ERBB4: variants seen among roughly 807,000 people sequenced by gnomAD.
The protein encoded by ERBB4 is receptor tyrosine-protein kinase erbB-4.
ERBB4 carries 42 observed loss-of-function variants against 158.0 expected under a neutral mutation model. The ratio of observed to expected loss-of-function variants is 0.27; its 90% CI spans 0.21 to 0.34. ERBB4 has a LOEUF of 0.34. Among genes scored for constraint, ERBB4 ranks in the 10% least tolerant of loss-of-function variants. The pLI is 1.00. For missense variants in ERBB4, 1,333 were observed against 1,624.1 expected (o/e 0.82, Z 3.08); for synonymous variants, 583 against 558.7 (o/e 1.04, Z -0.61).
chr2:211,600,578 T>C (rs1239573583), intron 19 of ERBB4, among the ~76,000 whole-genome samples: 1 of 152,118 alleles, frequency 6.6e-6, no homozygotes, highest in Non-Finnish European at 1.5e-5. Flanking sequence ...TCCTTATAAA[T>C]TGCTATTAAA....
intron 25 of ERBB4, among the ~76,000 whole-genome samples, chr2:211,388,716 T>C (rs1246751925): frequency 1.3e-5 from 2 of 152,166 alleles, no homozygotes; most frequent in Non-Finnish European, 2.9e-5. Context: ...AATACATCTG[T>C]ATTTTTATAG....
chr2:212,048,494 A>G (rs570066778), intron 2 of ERBB4, among the ~76,000 whole-genome samples: 1 of 152,070 alleles, frequency 6.6e-6, no homozygotes, highest in Non-Finnish European at 1.5e-5. Context: ...ATGGACTGAT[A>G]GTTTGTTTAG....
intron 20 of ERBB4, among the ~76,000 whole-genome samples, chr2:211,458,785 T>G (rs2064454130): frequency 6.6e-6 from 1 of 152,072 alleles, no homozygotes; most frequent in South Asian, 2.1e-4. Context: ...CTAACACAAA[T>G]AGAAAATCCA....
rs115636178 is a variant in ERBB4 at position 211,594,829 on chromosome 2, G to A, written c.2301+24348C>T. Among the ~76,000 whole-genome samples the A allele has an allele frequency of 7.6e-3, 1,162 of 152,220 alleles. 14 individuals carry two copies. The highest frequency in any genetic ancestry group is 0.026 in the African/African-American group (1,063 of 41,540). On this transcript the variant is annotated intron_variant, in intron 19 of 27. Transcript: ENST00000342788. ...TGTATTCTTTCATTCCCTAAAGAAGGGCTTTTTAAGTTCACATTATCTCAA... is the reference window on the plus strand; with the variant it reads ...TGTATTCTTTCATTCCCTAAAGAAGAGCTTTTTAAGTTCACATTATCTCAA...
At chr2:212,387,200 G>C (rs1030506277) in intron 1 of ERBB4, among the ~76,000 whole-genome samples, 2 of 152,020 alleles carry the variant, frequency 1.3e-5, no homozygotes, top group African/African-American at 4.8e-5. Context: ...TTGGTGTATG[G>C]AACATGATAA....
chr2:211,470,103 C>T (rs893067709), intron 20 of ERBB4, among the ~76,000 whole-genome samples: 7 of 151,532 alleles, frequency 4.6e-5, no homozygotes, highest in East Asian at 1.9e-4. Flanking sequence ...AGTGATTTCT[C>T]GCTTAAAAAA....
At position 211,838,801 on chromosome 2, in the gene ERBB4, G is replaced by C. The variant is rs1443615114; in HGVS notation, c.422-50642C>G. Among the ~76,000 whole-genome samples the C allele has an allele frequency of 2.0e-5, 3 of 152,144 alleles. No individual in the cohort carries two copies. In the East Asian group the frequency reaches 5.8e-4, roughly 29 times the overall value. On this transcript the variant is annotated intron_variant, in intron 3 of 27. Transcript: ENST00000342788. ...TGATTCGGACTAACGGGTCTGTATT[G>C]GAGGTCACAGCTCCTATTTTAAGGT...
At chr2:212,424,618 T>C (rs185943024) in intron 1 of ERBB4, among the ~76,000 whole-genome samples, 1 of 152,256 alleles carries the variant, frequency 6.6e-6, no homozygotes, top group East Asian at 1.9e-4. Context: ...GTTGATGTCT[T>C]ACTGGAGCAA....
intron 3 of ERBB4, among the ~76,000 whole-genome samples, chr2:211,913,246 T>C (rs149575575): frequency 0.011 from 1,599 of 152,214 alleles, 31 homozygotes; most frequent in African/African-American, 0.036. Context: ...GAAAATCTAT[T>C]TACAATAATA....
chr2:212,463,134 G>T (rs1336958295), intron 1 of ERBB4, among the ~76,000 whole-genome samples: 2 of 152,108 alleles, frequency 1.3e-5, no homozygotes, highest in Non-Finnish European at 2.9e-5. Context: ...GTAGAGGTTG[G>T]TTAAGGGATG....
chr2:212,405,210 A>G (rs1172672366), intron 1 of ERBB4, among the ~76,000 whole-genome samples: 1 of 152,076 alleles, frequency 6.6e-6, no homozygotes, highest in Non-Finnish European at 1.5e-5. Flanking sequence ...AAGAAGACAT[A>G]CATGCGGCCA....
chr2:212,523,721 T>C (rs894890076), intron 1 of ERBB4, among the ~76,000 whole-genome samples: 1 of 151,984 alleles, frequency 6.6e-6, no homozygotes, highest in Admixed American at 6.6e-5. Flanking sequence ...TTGGGCACAG[T>C]GTGCTTACGA....
intron 6 of ERBB4, 28 bp downstream of exon 6, chr2:211,725,048 T>C: frequency 7.1e-7 from 1 of 1,417,240 alleles, no homozygotes; most frequent in Non-Finnish European, 1.0e-6. Flanking sequence ...GAGAGCAGGA[T>C]AATAAAAGAG....
At chr2:211,685,523 T>A (rs886838948) in intron 12 of ERBB4, among the ~76,000 whole-genome samples, 1 of 152,234 alleles carries the variant, frequency 6.6e-6, no homozygotes, top group Non-Finnish European at 1.5e-5. Flanking sequence ...TTATGGCAGC[T>A]ATGTAATAAT....
intron 20 of ERBB4, among the ~76,000 whole-genome samples, chr2:211,463,595 G>T (rs556135207): frequency 1.3e-5 from 2 of 152,222 alleles, no homozygotes; most frequent in East Asian, 3.9e-4. Flanking sequence ...AAGTTTAGTG[G>T]ACATAGGAAG....
At chr2:211,493,060 T>C (rs752537240) in intron 20 of ERBB4, among the ~76,000 whole-genome samples, 3 of 152,124 alleles carry the variant, frequency 2.0e-5, no homozygotes, top group Non-Finnish European at 2.9e-5. Flanking sequence ...CCCAGAGAGA[T>C]GGAGTCACTC....
intron 20 of ERBB4, among the ~76,000 whole-genome samples, chr2:211,520,463 T>C (rs577732540): frequency 4.6e-5 from 7 of 152,194 alleles, no homozygotes; most frequent in East Asian, 3.9e-4. Flanking sequence ...CTGTACTGCC[T>C]GCAAACTAAG....
At chr2:212,186,415 G>T (rs2082018329) in intron 1 of ERBB4, among the ~76,000 whole-genome samples, 1 of 152,176 alleles carries the variant, frequency 6.6e-6, no homozygotes. Flanking sequence ...AACTGAAAAT[G>T]TGTTCATTAA....
chr2:212,082,853 G>A (rs571753514), intron 2 of ERBB4, among the ~76,000 whole-genome samples: 1 of 152,044 alleles, frequency 6.6e-6, no homozygotes, highest in South Asian at 2.1e-4. Flanking sequence ...TAGGTAAAAC[G>A]ACAAGAACAC....
Sources: gnomAD v4.1 joint callset for allele counts (sites outside exome capture counted in the v4.1 genomes callset) on GRCh38, gnomAD v4.1.1 for gene constraint, MANE v1.5 for transcripts, NCBI Gene and HGNC (gene_info 2026-07-23, HGNC 2026-07-21) for gene names.